SH2D1A: variants seen among roughly 807,000 people sequenced by gnomAD.
The protein encoded by SH2D1A is SH2 domain-containing protein 1A.
A neutral mutation model predicts 10.1 loss-of-function variants in SH2D1A; 6 were observed. The ratio of observed to expected loss-of-function variants is 0.60; its 90% CI spans 0.33 to 1.18. SH2D1A has a LOEUF of 1.18. Ranked by LOEUF, SH2D1A falls within the 50% of genes most tolerant of loss-of-function variation. SH2D1A has a pLI of 0.04. For synonymous variants in SH2D1A, 42 were observed against 36.9 expected, an observed-to-expected ratio of 1.14 and a Z score of -0.51; for missense variants, 51 against 97.6, an observed-to-expected ratio of 0.52 and a Z score of 2.01.
At chrX:124,347,282 G>C (rs1276422578) in intron 1 of SH2D1A, among the ~76,000 whole-genome samples, 7 of 110,390 alleles carry the variant, frequency 6.3e-5, no homozygotes, top group Non-Finnish European at 1.1e-4. Context: ...GAGATGCTGA[G>C]AGAGGAGGGG....
chrX:124,349,905 C>G (rs918410042), intron 1 of SH2D1A, among the ~76,000 whole-genome samples: 8 of 105,932 alleles, frequency 7.6e-5, no homozygotes, highest in Non-Finnish European at 1.4e-4. Context: ...GTTCCTTATA[C>G]CTATTCATTA....
intron 2 of SH2D1A, among the ~76,000 whole-genome samples, chrX:124,369,125 A>C (rs2060063218): frequency 9.0e-6 from 1 of 111,384 alleles, no homozygotes; most frequent in African/African-American, 3.3e-5. Context: ...TCAGCATACC[A>C]CTATCTAGCT....
chrX:124,349,144 C>G (rs1186474649), intron 1 of SH2D1A, among the ~76,000 whole-genome samples: 1 of 112,092 alleles, frequency 8.9e-6, no homozygotes, highest in Non-Finnish European at 1.9e-5. Context: ...CCATGAAAAC[C>G]TCCTTGTGAA....
intron 1 of SH2D1A, among the ~76,000 whole-genome samples, chrX:124,350,077 G>A (rs1458089525): frequency 1.1e-5 from 1 of 91,486 alleles, no homozygotes; most frequent in Non-Finnish European, 2.1e-5. Context: ...GTATTCTTAC[G>A]AGTGACGTAT....
intron 2 of SH2D1A, among the ~76,000 whole-genome samples, chrX:124,366,876 AACACACACACAC>A (rs59536671): frequency 2.0e-4 from 17 of 87,095 alleles, no homozygotes; most frequent in East Asian, 7.6e-4. Context: ...TATACTGACA[AACACACACACAC>A]ACACACACAC....
At chrX:124,363,273 C>G (rs1213810419) in intron 1 of SH2D1A, among the ~76,000 whole-genome samples, 2 of 111,222 alleles carry the variant, frequency 1.8e-5, no homozygotes, top group Non-Finnish European at 3.8e-5. Flanking sequence ...GGAGATAGTC[C>G]TAGTTTACAG....
At chrX:124,363,542 C>T (rs907376434) in intron 1 of SH2D1A, among the ~76,000 whole-genome samples, 1 of 111,101 alleles carries the variant, frequency 9.0e-6, no homozygotes, top group Non-Finnish European at 1.9e-5. Flanking sequence ...CAATGAATTA[C>T]TTATGTATTT....
At chrX:124,356,627 T>G (rs1481359171) in intron 1 of SH2D1A, among the ~76,000 whole-genome samples, 2 of 110,660 alleles carry the variant, frequency 1.8e-5, no homozygotes, top group Admixed American at 9.6e-5. Flanking sequence ...TTTGTTTGTT[T>G]GTTTTGTATT....
intron 1 of SH2D1A, among the ~76,000 whole-genome samples, chrX:124,357,737 G>A (rs889470570): frequency 1.8e-5 from 2 of 111,643 alleles, no homozygotes; most frequent in African/African-American, 6.5e-5. Flanking sequence ...GATTAGTGAG[G>A]TTGAGCATTT....
At chrX:124,365,405 A>T (rs1287813001) in intron 1 of SH2D1A, among the ~76,000 whole-genome samples, 1 of 110,699 alleles carries the variant, frequency 9.0e-6, no homozygotes, top group African/African-American at 3.3e-5. Flanking sequence ...ATGTACTTAA[A>T]AATAAGTCTA....
intron 1 of SH2D1A, among the ~76,000 whole-genome samples, chrX:124,365,184 C>G (rs1435992288): frequency 9.1e-6 from 1 of 110,005 alleles, no homozygotes; most frequent in Non-Finnish European, 1.9e-5. Flanking sequence ...TAATGTATCC[C>G]CCTTGGTAAG....
At chrX:124,360,797 GA>G (rs1376809849) in intron 1 of SH2D1A, among the ~76,000 whole-genome samples, 11 of 110,329 alleles carry the variant, frequency 1.0e-4, no homozygotes, top group African/African-American at 3.6e-4. Context: ...ACTGTTTTAT[GA>G]GGTAAAATTT....
chrX:124,364,340 C>T (rs2060048426), intron 1 of SH2D1A: 1 of 212,580 alleles, frequency 4.7e-6, no homozygotes, highest in Non-Finnish European at 8.8e-6. Flanking sequence ...AATTTTGAAA[C>T]AGAGAAAAGC....
rs773349428 is a variant in SH2D1A at position 124,354,156 on chromosome X, G to A, written c.137+7377G>A. On this transcript the variant is annotated intron_variant, in intron 1 of 3. Transcript: ENST00000371139. ...ATCCAGTGGTAAAGTGAGCCTGAAA[G>A]CCAGCCTAGGATTGTTTGCCACATA... is the stretch of plus-strand genomic sequence containing the variant. Among the ~76,000 whole-genome samples, 5 of 112,072 alleles carry A rather than the reference G, an allele frequency of 4.5e-5. No individual in the cohort carries two copies. In the East Asian group the frequency reaches 1.1e-3, roughly 25 times the overall value.
At chrX:124,355,082 T>C in intron 1 of SH2D1A, among the ~76,000 whole-genome samples, 1 of 113,075 alleles carries the variant, frequency 8.8e-6, no homozygotes, top group Non-Finnish European at 1.9e-5. Context: ...GAATTTTGTA[T>C]GTAGCATTAG....
chrX:124,352,650 A>T (rs892977036), intron 1 of SH2D1A, among the ~76,000 whole-genome samples: 9 of 111,954 alleles, frequency 8.0e-5, no homozygotes, highest in African/African-American at 2.9e-4. Context: ...GTATATGCAT[A>T]GCACATTTTC....
chrX:124,369,613 G>C (rs896721460), intron 2 of SH2D1A, among the ~76,000 whole-genome samples: 5 of 111,998 alleles, frequency 4.5e-5, no homozygotes, highest in African/African-American at 1.6e-4. Flanking sequence ...AGGAAATATT[G>C]TGAGGTGAAA....
At chrX:124,365,160 T>C (rs907250619) in intron 1 of SH2D1A, among the ~76,000 whole-genome samples, 2 of 110,781 alleles carry the variant, frequency 1.8e-5, no homozygotes, top group African/African-American at 6.6e-5. Flanking sequence ...AATCACCTAA[T>C]GATGCACTTC....
chrX:124,355,063 T>A (rs757859997), intron 1 of SH2D1A, among the ~76,000 whole-genome samples: 1 of 113,028 alleles, frequency 8.8e-6, no homozygotes, highest in East Asian at 2.8e-4. Flanking sequence ...ATCATTATAG[T>A]TGTGTCTTGA....
Sources: gnomAD v4.1 joint callset for allele counts (sites outside exome capture counted in the v4.1 genomes callset) on GRCh38, gnomAD v4.1.1 for gene constraint, MANE v1.5 for transcripts, NCBI Gene and HGNC (gene_info 2026-07-23, HGNC 2026-07-21) for gene names.